The following PKN2 variants were observed in gnomAD, a reference collection of about 807,000 sequenced individuals.
PKN2 encodes the protein serine/threonine-protein kinase N2.
Under a neutral mutation model 119.1 loss-of-function variants are expected in PKN2, and 38 were observed. The ratio of observed to expected loss-of-function variants is 0.32; its 90% CI spans 0.25 to 0.42. The LOEUF is 0.42. PKN2 is among the 10% of genes least tolerant of loss of function. The pLI, the probability that PKN2 is intolerant of heterozygous loss-of-function variation, is 1.00. For synonymous variants in PKN2, 390 were observed against 384.9 expected (o/e 1.01, Z -0.15); for missense variants, 850 against 1,165.1 (o/e 0.73, Z 3.94).
At chr1:88,710,672 GA>G (rs1187322409) in intron 1 of PKN2, among the ~76,000 whole-genome samples, 3 of 152,166 alleles carry the variant, frequency 2.0e-5, no homozygotes, top group African/African-American at 7.2e-5. Flanking sequence ...TCGAGGTGGA[GA>G]AAAAGGAATG....
At chr1:88,771,399 A>T (rs1200359378) in intron 4 of PKN2, 22 bp from the exon 5 acceptor site, 3 of 1,565,132 alleles carry the variant, frequency 1.9e-6, no homozygotes, top group Non-Finnish European at 2.6e-6. Context: ...TGGTGCAATT[A>T]AAATTTTTTT....
intron 7 of PKN2, 91 bp from the exon 8 acceptor site, chr1:88,786,013 C>G: frequency 1.4e-6 from 1 of 729,062 alleles, no homozygotes; most frequent in Non-Finnish European, 2.4e-6. Flanking sequence ...TTCAAAGGGT[C>G]TTAAGACTTT....
At chr1:88,833,048 T>A (rs929413348) in intron 20 of PKN2, 29 bp from the exon 21 acceptor site, 2 of 1,557,434 alleles carry the variant, frequency 1.3e-6, no homozygotes, top group African/African-American at 2.8e-5. Flanking sequence ...TTGGTTTTAT[T>A]TTAACTTTTT....
Position 88,755,134 on chromosome 1 carries a change from T to C in PKN2, c.350-5088T>C, listed in dbSNP as rs181007748. Among the ~76,000 whole-genome samples, 29 of 152,270 alleles carry C rather than the reference T, an allele frequency of 1.9e-4. No individual in the cohort carries two copies. The East Asian group carries it at 5.0e-3, about 26-fold the overall frequency. ...AAAATAATTACCATTTTACAGAGTT[T>C]TTAAAAAATTTTTTGAATGGTGAGA... On this transcript the variant is annotated intron_variant, in intron 2 of 21. Transcript: ENST00000370521.
rs201955186 is a variant in PKN2, at chr1:88,727,235, CT to C, written c.49-13746del. ...CTTTTTCCTGGTATTAATATGGTTA[CT>C]TTTTTTATTAATGTTTATATGGTAT... On this transcript the variant is annotated intron_variant, in intron 1 of 21. Coordinates refer to ENST00000370521, the MANE Select transcript of PKN2 (RefSeq NM_006256.4). 3.9e-3 allele frequency among the ~76,000 whole-genome samples: 576 copies of C among 149,578 alleles called. 12 individuals are homozygous for C. The highest frequency in any genetic ancestry group is 0.032 in the East Asian group (162 of 5,102).
chr1:88,726,032 AT>A (rs1667885485), intron 1 of PKN2, among the ~76,000 whole-genome samples: 1 of 152,158 alleles, frequency 6.6e-6, no homozygotes, highest in Non-Finnish European at 1.5e-5. Context: ...AAGAATGATT[AT>A]TTTTGTATAT....
At chr1:88,754,937 A>G (rs1335048053) in intron 2 of PKN2, among the ~76,000 whole-genome samples, 1 of 152,176 alleles carries the variant, frequency 6.6e-6, no homozygotes, top group Non-Finnish European at 1.5e-5. Flanking sequence ...AGCAAGCATA[A>G]TTTCTTATAA....
rs57050434 is a variant in PKN2 at position 88,710,490 on chromosome 1, A to G, written c.48+25862A>G. ...GAACTTAACCACTATTTTAGAAAAG[A>G]CACAATTGAAACACACAATTTAAGG... On this transcript the variant is annotated intron_variant, in intron 1 of 21. Transcript: ENST00000370521. Among the ~76,000 whole-genome samples the G allele has an allele frequency of 5.0e-3, 769 of 152,360 alleles. 3 individuals carry two copies. Among genetic ancestry groups the G allele is most frequent in the African/African-American group, 0.017 (723 of 41,594 alleles).
Position 88,695,291 on chromosome 1 carries a change from T to G in PKN2, c.48+10663T>G, listed in dbSNP as rs933604693. Among the ~76,000 whole-genome samples, 89 of 152,334 alleles carry G rather than the reference T, an allele frequency of 5.8e-4. 1 individual carries two copies. The highest frequency in any genetic ancestry group is 2.6e-4 in the Admixed American group (4 of 15,302). On this transcript the variant is annotated intron_variant, in intron 1 of 21. Coordinates refer to ENST00000370521, the MANE Select transcript of PKN2 (RefSeq NM_006256.4). ...ATGATTAATTAAAATTAATTAAAAT[T>G]AATCATTTGATTAATCAAATTTGAT...
Position 88,784,823 on chromosome 1 carries a change from C to T in PKN2, c.1170C>T (p.Ser390=), listed in dbSNP as rs1242270636. 5.0e-6 allele frequency: 8 copies of T among 1,594,112 alleles called. No homozygotes were observed. The Admixed American group carries it at 1.4e-4, about 28-fold the overall frequency. ...SRNLLKTDDL[S]NDVCAVLKLD... Reference sequence around the variant, plus strand: ...ATCTTCTAAAAACCGATGACTTGTCCAGTTCAGTAACCAGATTTTTAAAAA... The same window carrying T: ...ATCTTCTAAAAACCGATGACTTGTCTAGTTCAGTAACCAGATTTTTAAAAA... Residue 390 remains serine (S), a splice_region_variant and synonymous_variant, in exon 7 of 22, where the codon TCC becomes TCT. Coordinates refer to ENST00000370521, the MANE Select transcript of PKN2 (RefSeq NM_006256.4).
chr1:88,789,007 A>G (rs1344504113), intron 8 of PKN2, among the ~76,000 whole-genome samples: 2 of 152,180 alleles, frequency 1.3e-5, no homozygotes, highest in African/African-American at 4.8e-5. Flanking sequence ...GAAGTTCTTT[A>G]TCAATATTAG....
chr1:88,792,557 A>G (rs1445232627), intron 8 of PKN2, among the ~76,000 whole-genome samples: 1 of 152,188 alleles, frequency 6.6e-6, no homozygotes, highest in African/African-American at 2.4e-5. Flanking sequence ...TCGAAAATCC[A>G]CATAACACTT....
intron 16 of PKN2, among the ~76,000 whole-genome samples, chr1:88,820,346 CCA>C (rs1175817860): frequency 1.3e-5 from 2 of 149,680 alleles, no homozygotes; most frequent in Admixed American, 1.3e-4. Flanking sequence ...ACCAGCCTGA[CCA>C]CATGGAGAAA....
At position 88,684,627 on chromosome 1, in the gene PKN2, AG is replaced by A; in HGVS notation, c.48+1del. The A allele has an allele frequency of 6.4e-7, 1 of 1,558,718 alleles. No individual in the cohort carries two copies. The highest frequency in any genetic ancestry group is 8.7e-7 in the Non-Finnish European group (1 of 1,153,056). On this transcript the variant is annotated frameshift_variant and splice_region_variant, in exon 1 of 22. Transcript: ENST00000370521. LOFTEE classifies it high-confidence loss of function. ...ERGEILLTEL[Q>X]GDSRSLPFSE... is the part of the protein sequence containing the mutation. Reference sequence around the variant, plus strand: ...GGGGAGATTCTGCTCACGGAACTGCAGGTAAGGGCCGCGGCCCTGGTGAGAG... The same window carrying A: ...GGGGAGATTCTGCTCACGGAACTGCAGTAAGGGCCGCGGCCCTGGTGAGAG...
intron 2 of PKN2, among the ~76,000 whole-genome samples, chr1:88,747,814 T>C (rs1668828151): frequency 6.6e-6 from 1 of 152,138 alleles, no homozygotes; most frequent in Non-Finnish European, 1.5e-5. Flanking sequence ...ATAATATACC[T>C]AATAATATTG....
chr1:88,815,100 G>A (rs556621241), intron 16 of PKN2, among the ~76,000 whole-genome samples: 2 of 152,172 alleles, frequency 1.3e-5, no homozygotes, highest in Admixed American at 6.5e-5. Context: ...TTAAGGCAGA[G>A]CATTACAATT....
chr1:88,713,878 C>T (rs1294509286), intron 1 of PKN2, among the ~76,000 whole-genome samples: 2 of 152,154 alleles, frequency 1.3e-5, no homozygotes, highest in East Asian at 3.8e-4. Flanking sequence ...AATGGTATTG[C>T]CTAGGTTTTC....
chr1:88,827,195 G>C (rs975838623), intron 18 of PKN2, among the ~76,000 whole-genome samples: 3 of 151,918 alleles, frequency 2.0e-5, no homozygotes, highest in African/African-American at 7.3e-5. Context: ...TCAATATGTA[G>C]ACTATATATT....
At chr1:88,794,694 G>GT (rs1041682250) in intron 8 of PKN2, among the ~76,000 whole-genome samples, 11 of 151,836 alleles carry the variant, frequency 7.2e-5, no homozygotes, top group Non-Finnish European at 1.2e-4. Flanking sequence ...TCTTCTAGCT[G>GT]TTTTTTTTAT....
Sources: gnomAD v4.1 joint callset for allele counts (sites outside exome capture counted in the v4.1 genomes callset) on GRCh38, gnomAD v4.1.1 for gene constraint, MANE v1.5 for transcripts, NCBI Gene and HGNC (gene_info 2026-07-23, HGNC 2026-07-21) for gene names.